The following SCN2A variants were observed in gnomAD, a reference collection of about 807,000 sequenced individuals.
The protein encoded by SCN2A is sodium channel protein type 2 subunit alpha.
Under a neutral mutation model 188.7 loss-of-function variants are expected in SCN2A, and 20 were observed. The observed-to-expected ratio is 0.11, with a 90% CI of 0.07 to 0.15. The LOEUF (loss-of-function observed/expected upper bound fraction) is 0.15, where lower values mean the gene tolerates loss of function less well. SCN2A is among the 10% of genes least tolerant of loss of function. The pLI is 1.00. For missense variants in SCN2A, 1,278 were observed against 2,445.0 expected (o/e 0.52, Z 10.07); for synonymous variants, 804 against 833.1 (o/e 0.97, Z 0.60).
intron 16 of SCN2A, among the ~76,000 whole-genome samples, chr2:165,349,429 T>G (rs140051070): frequency 7.2e-5 from 11 of 152,280 alleles, no homozygotes; most frequent in Non-Finnish European, 1.5e-4. Context: ...GAATGCAGAA[T>G]AGATTTAAAG....
intron 17 of SCN2A, among the ~76,000 whole-genome samples, chr2:165,358,483 C>G (rs928884593): frequency 2.0e-5 from 3 of 151,958 alleles, no homozygotes; most frequent in Non-Finnish European, 4.4e-5. Context: ...TAGGAGTTGA[C>G]CAACAGTATT....
At chr2:165,301,606 A>G (rs535248971) in intron 3 of SCN2A, among the ~76,000 whole-genome samples, 6 of 152,344 alleles carry the variant, frequency 3.9e-5, no homozygotes, top group African/African-American at 1.4e-4. Context: ...AAAATGTATG[A>G]CAAGTATCTA....
chr2:165,334,571 G>C (rs1323217915), intron 14 of SCN2A, among the ~76,000 whole-genome samples: 1 of 151,712 alleles, frequency 6.6e-6, no homozygotes, highest in African/African-American at 2.4e-5. Flanking sequence ...AAAAGCCAAA[G>C]TGTTTCATGA....
chr2:165,269,278 T>C (rs988879834), intron 1 of SCN2A: 1 of 152,026 alleles, frequency 6.6e-6, no homozygotes, highest in African/African-American at 2.4e-5. Flanking sequence ...CAATTAAATA[T>C]AATTGAAAAA....
intron 20 of SCN2A, 128 bp downstream of exon 20, chr2:165,370,427 C>T (rs1700965111): frequency 1.0e-6 from 1 of 973,616 alleles, no homozygotes; most frequent in Non-Finnish European, 1.6e-6. Context: ...TTTCTCATTT[C>T]ACAGTGAGAG....
At chr2:165,250,013 C>A (rs1187429493) in intron 1 of SCN2A, among the ~76,000 whole-genome samples, 1 of 151,966 alleles carries the variant, frequency 6.6e-6, no homozygotes, top group Non-Finnish European at 1.5e-5. Flanking sequence ...TTATAATGTT[C>A]TCTCTGTTTT....
intron 17 of SCN2A, among the ~76,000 whole-genome samples, chr2:165,355,170 T>G (rs1412628311): frequency 6.6e-6 from 1 of 152,230 alleles, no homozygotes; most frequent in Non-Finnish European, 1.5e-5. Flanking sequence ...GGATCTTGGC[T>G]TGATATTTAT....
At chr2:165,306,524 G>A (rs908660454) in intron 3 of SCN2A, among the ~76,000 whole-genome samples, 112 of 126,050 alleles carry the variant, frequency 8.9e-4, no homozygotes, top group East Asian at 6.3e-3. Context: ...GTGTGTGTGT[G>A]TGTGTGTGTG....
At chr2:165,278,956 AAG>A (rs1268763438) in intron 1 of SCN2A, among the ~76,000 whole-genome samples, 1 of 152,248 alleles carries the variant, frequency 6.6e-6, no homozygotes, top group East Asian at 1.9e-4. Context: ...AAGAAAAAGA[AAG>A]AAGTCAAGAA....
chr2:165,276,546 C>T (rs1308608595), intron 1 of SCN2A, among the ~76,000 whole-genome samples: 1 of 152,164 alleles, frequency 6.6e-6, no homozygotes, highest in Non-Finnish European at 1.5e-5. Context: ...ATGCTTTCTT[C>T]ATTGTAGTCC....
intron 7 of SCN2A, 105 bp downstream of exon 7, chr2:165,310,700 C>T: frequency 1.3e-6 from 1 of 790,644 alleles, no homozygotes; most frequent in Non-Finnish European, 1.9e-6. Flanking sequence ...GTGACTTAGA[C>T]TAATTTAAGA....
chr2:165,373,097 C>A, intron 20 of SCN2A, 128 bp from the exon 21 acceptor site: 1 of 1,020,276 alleles, frequency 9.8e-7, no homozygotes, highest in Non-Finnish European at 1.5e-6. Context: ...GTGTTTTTAA[C>A]AAGACCCCTG....
At chr2:165,243,754 G>A (rs1028151496) in intron 1 of SCN2A, 1 of 151,938 alleles carries the variant, frequency 6.6e-6, no homozygotes, top group Admixed American at 6.6e-5. Flanking sequence ...CTCCTCTAAG[G>A]TGAATGCATT....
At chr2:165,366,329 A>G (rs1181418710) in intron 18 of SCN2A, among the ~76,000 whole-genome samples, 3 of 152,208 alleles carry the variant, frequency 2.0e-5, no homozygotes, top group Non-Finnish European at 2.9e-5. Context: ...TAGATACTCA[A>G]TAAGTATTTG....
At chr2:165,318,477 A>G (rs1697887203) in intron 11 of SCN2A, among the ~76,000 whole-genome samples, 1 of 152,178 alleles carries the variant, frequency 6.6e-6, no homozygotes. Context: ...CTTACTGGCC[A>G]TCTTTTTTGT....
intron 1 of SCN2A, among the ~76,000 whole-genome samples, chr2:165,258,672 T>C (rs546559315): frequency 1.3e-5 from 2 of 152,332 alleles, no homozygotes; most frequent in African/African-American, 4.8e-5. Context: ...AGCAAAGACA[T>C]GGCATCAACC....
chr2:165,268,529 C>T (rs1029220383), intron 1 of SCN2A: 3 of 151,930 alleles, frequency 2.0e-5, no homozygotes, highest in Non-Finnish European at 4.4e-5. Flanking sequence ...ATAGGAGAAA[C>T]ATACCTCAAA....
intron 1 of SCN2A, among the ~76,000 whole-genome samples, chr2:165,240,799 A>T (rs1282199387): frequency 6.6e-6 from 1 of 151,736 alleles, no homozygotes; most frequent in Non-Finnish European, 1.5e-5. Flanking sequence ...TGTGAAAGCT[A>T]TGGGGAATGA....
At position 165,370,177 on chromosome 2, in the gene SCN2A, G is replaced by C; in HGVS notation, c.3727G>C (p.Glu1243Gln). Residue 1243 changes from glutamate to glutamine, a missense_variant, in exon 20 of 27, where the codon GAA becomes CAA. Glu to Gln is a conservative substitution (Grantham distance 29). Around this residue, in one of 17 missense-constraint regions of SCN2A, gnomAD observed 228 missense variants for 297.3 expected, o/e 0.77. Transcript: ENST00000375437. ...EQRKTIKTML[E>Q]YADKVFTYIF... ...GCGAAAAACCATTAAGACCATGTTA[G>C]AATATGCTGACAAGGTTTTCACTTA... The C allele has an allele frequency of 1.2e-6, 2 of 1,614,126 alleles. No homozygotes were observed. Among genetic ancestry groups the C allele is most frequent in the Non-Finnish European group, 8.5e-7 (1 of 1,179,994 alleles).
Sources: gnomAD v4.1 joint callset for allele counts (sites outside exome capture counted in the v4.1 genomes callset) on GRCh38, gnomAD v4.1.1 for gene constraint, gnomAD v4.1.1 regional missense constraint, MANE v1.5 for transcripts, NCBI Gene and HGNC (gene_info 2026-07-23, HGNC 2026-07-21) for gene names.